Variants in KCNN2 observed in about 807,000 individuals in gnomAD.
KCNN2 encodes the protein small conductance calcium-activated potassium channel protein 2.
A neutral mutation model predicts 55.5 loss-of-function variants in KCNN2; 24 were observed. The observed-to-expected ratio is 0.43, with a 90% CI of 0.31 to 0.61. The LOEUF (loss-of-function observed/expected upper bound fraction) is 0.61, where lower values mean the gene tolerates loss of function less well. Among genes scored for constraint, KCNN2 ranks in the 20% least tolerant of loss-of-function variants. The pLI, the probability that KCNN2 is intolerant of heterozygous loss-of-function variation, is 0.08. For missense variants in KCNN2, 754 were observed against 853.6 expected, an observed-to-expected ratio of 0.88 and a Z score of 1.45; for synonymous variants, 431 against 336.1, an observed-to-expected ratio of 1.28 and a Z score of -3.09.
At chr5:114,268,033 T>TC (rs1314169654) in intron 2 of KCNN2, among the ~76,000 whole-genome samples, 3 of 152,140 alleles carry the variant, frequency 2.0e-5, no homozygotes, top group African/African-American at 4.8e-5. Flanking sequence ...TTCCTTCTGA[T>TC]CCCACCCTAG....
chr5:114,226,265 A>G (rs1382669785), intron 2 of KCNN2, among the ~76,000 whole-genome samples: 4 of 152,210 alleles, frequency 2.6e-5, no homozygotes, highest in African/African-American at 4.8e-5. Flanking sequence ...ATCACATTAT[A>G]TGAGCATTTT....
At chr5:114,287,594 G>T (rs1410187119) in intron 2 of KCNN2, among the ~76,000 whole-genome samples, 1 of 150,496 alleles carries the variant, frequency 6.6e-6, no homozygotes, top group Non-Finnish European at 1.5e-5. Context: ...ATTGGGGCCT[G>T]TCGGGGGATG....
At chr5:114,363,655 G>A (rs1186913068) in intron 1 of KCNN2, among the ~76,000 whole-genome samples, 2 of 152,094 alleles carry the variant, frequency 1.3e-5, no homozygotes, top group African/African-American at 4.8e-5. Flanking sequence ...CGCTCGCTTC[G>A]GTCCTCTATG....
At chr5:114,173,464 G>A (rs1753080181) in intron 1 of KCNN2, among the ~76,000 whole-genome samples, 4 of 147,810 alleles carry the variant, frequency 2.7e-5, no homozygotes, top group African/African-American at 1.0e-4. Flanking sequence ...GTGTGTGTGT[G>A]TGTGTGTGTG....
rs1362751219 is a variant in KCNN2 at position 114,362,891 on chromosome 5, C to G, written c.752C>G (p.Ser251Cys). 1 of 1,597,136 alleles carries G rather than the reference C, an allele frequency of 6.3e-7. No individual in the cohort carries two copies. Among genetic ancestry groups the G allele is most frequent in the South Asian group, 1.1e-5 (1 of 90,596 alleles). The change falls in exon 1 of 8, where the codon TCT becomes TGT. Residue 251 changes from serine (S) to cysteine (C), a missense_variant. Coordinates refer to ENST00000673685, the MANE Select transcript of KCNN2 (RefSeq NM_021614.4). ...GCGCAGCCCCTGCAGCCCCCCGCGTCTGTCGGAGGAGGTGGCGGCGCGTCC... is the reference window on the plus strand; with the variant it reads ...GCGCAGCCCCTGCAGCCCCCCGCGTGTGTCGGAGGAGGTGGCGGCGCGTCC... ...SEAQPLQPPA[S>C]VGGGGGASSP...
At chr5:114,208,414 C>T (rs1275976369) in intron 1 of KCNN2, among the ~76,000 whole-genome samples, 1 of 152,140 alleles carries the variant, frequency 6.6e-6, no homozygotes, top group East Asian at 1.9e-4. Flanking sequence ...ACTTTCCCTC[C>T]ACTCTATGCT....
At chr5:114,386,221 A>G (rs910682756) in intron 2 of KCNN2, among the ~76,000 whole-genome samples, 1 of 151,542 alleles carries the variant, frequency 6.6e-6, no homozygotes, top group African/African-American at 2.4e-5. Context: ...TAGAGTGGTT[A>G]AATGACTTGC....
chr5:114,367,714 A>G (rs1398421573), intron 2 of KCNN2, among the ~76,000 whole-genome samples: 1 of 152,114 alleles, frequency 6.6e-6, no homozygotes, highest in Non-Finnish European at 1.5e-5. Context: ...GATAAAGTAC[A>G]AAACGGAGTT....
Position 114,398,676 on chromosome 5 carries a change from G to A in KCNN2, c.1219-5762G>A, listed in dbSNP as rs540259060. On this transcript the variant is annotated intron_variant, in intron 2 of 7. Coordinates refer to ENST00000673685, the MANE Select transcript of KCNN2 (RefSeq NM_021614.4). ...TTAACATTACTGATTCTTGCTATCCGTGGAATGCTTTTCCGTTTGTTTATG... is the reference window on the plus strand; with the variant it reads ...TTAACATTACTGATTCTTGCTATCCATGGAATGCTTTTCCGTTTGTTTATG... Among the ~76,000 whole-genome samples, 143 of 151,844 alleles carry A rather than the reference G, an allele frequency of 9.4e-4. 2 individuals carry two copies. In the South Asian group the frequency reaches 0.018, roughly 19 times the overall value.
intron 1 of KCNN2, among the ~76,000 whole-genome samples, chr5:114,140,726 ATAGAT>A (rs72239991): frequency 0.11 from 16,229 of 149,794 alleles, 1,006 homozygotes; most frequent in Middle Eastern, 0.19. Flanking sequence ...ATTGATTCAT[ATAGAT>A]TAGTCTATTG....
rs138481011 is a variant in KCNN2, at chr5:114,404,884, T to C, written c.1637+28T>C. On this transcript the variant is annotated intron_variant, in intron 3 of 7. Transcript: ENST00000673685. ...AAGTTTGTTTCTTTTCCTGAGAACATAATTTACCATGTGGTATCTTCACAA... is the reference window on the plus strand; with the variant it reads ...AAGTTTGTTTCTTTTCCTGAGAACACAATTTACCATGTGGTATCTTCACAA... 8.2e-5 allele frequency: 129 copies of C among 1,572,552 alleles called. 1 individual carries two copies. The East Asian group carries it at 2.9e-3, about 35-fold the overall frequency.
chr5:114,190,731 A>T (rs1753432190), intron 1 of KCNN2, among the ~76,000 whole-genome samples: 1 of 152,192 alleles, frequency 6.6e-6, no homozygotes, highest in African/African-American at 2.4e-5. Flanking sequence ...TTTAAAAAAT[A>T]TATCAGTATG....
intron 1 of KCNN2, among the ~76,000 whole-genome samples, chr5:114,151,596 T>C (rs1752525620): frequency 6.6e-6 from 1 of 152,120 alleles, no homozygotes; most frequent in African/African-American, 2.4e-5. Context: ...ATCAATCACA[T>C]TGAGCATGTG....
chr5:114,341,478 A>G (rs2150036616), intron 2 of KCNN2, among the ~76,000 whole-genome samples: 1 of 152,280 alleles, frequency 6.6e-6, no homozygotes, highest in South Asian at 2.1e-4. Flanking sequence ...AGGGGTTTTC[A>G]GATCCTGGAC....
intron 1 of KCNN2, among the ~76,000 whole-genome samples, chr5:114,083,237 C>T (rs553254165): frequency 6.6e-6 from 1 of 151,860 alleles, no homozygotes; most frequent in African/African-American, 2.4e-5. Flanking sequence ...TACTTTTTCA[C>T]CATTTTTTAT....
At chr5:114,413,494 G>T (rs1759199005) in intron 3 of KCNN2, among the ~76,000 whole-genome samples, 1 of 152,086 alleles carries the variant, frequency 6.6e-6, no homozygotes. Context: ...CACCATGTTG[G>T]CCAGGCTGGT....
At chr5:114,156,024 T>A (rs922978576) in intron 1 of KCNN2, among the ~76,000 whole-genome samples, 1 of 152,234 alleles carries the variant, frequency 6.6e-6, no homozygotes, top group Non-Finnish European at 1.5e-5. Context: ...GTTTTACATT[T>A]AAGTCTTTAA....
intron 1 of KCNN2, among the ~76,000 whole-genome samples, chr5:114,181,154 C>T (rs1360631836): frequency 6.6e-6 from 1 of 152,114 alleles, no homozygotes; most frequent in Non-Finnish European, 1.5e-5. Context: ...ACTGAAATTG[C>T]TTGGTCATAG....
chr5:114,393,042 C>G (rs2150064557), intron 2 of KCNN2, among the ~76,000 whole-genome samples: 1 of 152,122 alleles, frequency 6.6e-6, no homozygotes, highest in Non-Finnish European at 1.5e-5. Flanking sequence ...CTGATCTCCT[C>G]TGTATTTCCT....
Sources: allele counts gnomAD v4.1 joint callset (sites outside exome capture counted in the v4.1 genomes callset), GRCh38; gene constraint gnomAD v4.1.1; transcripts MANE v1.5; gene names NCBI Gene and HGNC (gene_info 2026-07-23, HGNC 2026-07-21).